Variants in SH3TC2 observed in about 807,000 individuals in gnomAD.
SH3TC2 encodes the protein SH3 domain and tetratricopeptide repeats 2, also known as SH3 domain and tetratricopeptide repeat-containing protein 2.
SH3TC2 carries 87 observed loss-of-function variants against 124.5 expected under a neutral mutation model. That is an observed-to-expected ratio of 0.70 (90% CI 0.59 to 0.84). The LOEUF (loss-of-function observed/expected upper bound fraction) is 0.84. Among genes scored for constraint, SH3TC2 ranks in the 40% least tolerant of loss-of-function variants. SH3TC2 has a pLI of 0.00. For missense variants in SH3TC2, 1,536 were observed against 1,566.4 expected, an observed-to-expected ratio of 0.98 and a Z score of 0.33; for synonymous variants, 634 against 628.5, an observed-to-expected ratio of 1.01 and a Z score of -0.13.
rs1561755547 is a variant in SH3TC2, at chr5:149,003,800, C to CT, written c.*910dup. On this transcript the variant is annotated 3_prime_UTR_variant, in exon 17 of 17. Transcript: ENST00000515425. Reference sequence around the variant, plus strand: ...CCGGAGTCTGAGGTCGCAGGAAGCCCTGACTGTACCACTGAACTCCAGCCT... The same window carrying CT: ...CCGGAGTCTGAGGTCGCAGGAAGCCCTTGACTGTACCACTGAACTCCAGCCT... 1 of 433,206 alleles carries CT rather than the reference C, an allele frequency of 2.3e-6. No individual in the cohort carries two copies. Among genetic ancestry groups the CT allele is most frequent in the South Asian group, 1.6e-5 (1 of 61,814 alleles). The allele number at this position is 433,206 out of a possible 1,614,324, so 26.8% of individuals were successfully genotyped here. A position where few individuals can be genotyped will look rare whatever the true frequency, so the allele number is the denominator to read the frequency against.
rs1754567864 is a variant in SH3TC2 at position 149,052,138 on chromosome 5, A to G, written c.151+4T>C. 1.9e-6 allele frequency: 3 copies of G among 1,595,970 alleles called. No individual in the cohort carries two copies. The East Asian group carries it at 6.7e-5, about 36-fold the overall frequency. On this transcript the variant is annotated splice_donor_region_variant and intron_variant, in intron 2 of 16. Transcript: ENST00000515425. The stretch of plus-strand genomic sequence containing the variant: ...AATAGGGCTTGTCTTTGGCATTTGG[A>G]TACCTGGATTAATGTTCTGTGGCAG...
chr5:149,056,064 T>A (rs1754642119), intron 1 of SH3TC2, among the ~76,000 whole-genome samples: 7 of 151,298 alleles, frequency 4.6e-5, no homozygotes, highest in Non-Finnish European at 1.0e-4. Flanking sequence ...AAATGGTAAA[T>A]TTTTTTTAAT....
rs773138258 is a variant in SH3TC2 at position 148,985,574 on chromosome 5, G to A, written c.*19137C>T. Among the ~76,000 whole-genome samples the A allele has an allele frequency of 6.6e-6, 1 of 152,170 alleles. No homozygotes were observed. Among genetic ancestry groups the A allele is most frequent in the African/African-American group, 2.4e-5 (1 of 41,434 alleles). ...TTTTATTACTGAGTAGTATTCCACT[G>A]TATGAATACACCATAGTTTGTTTAT... On this transcript the variant is annotated 3_prime_UTR_variant, in exon 17 of 17. Coordinates refer to ENST00000515425, the MANE Select transcript of SH3TC2 (RefSeq NM_024577.4).
In SH3TC2 at chr5:148,992,341, AG is replaced by A. The variant is rs1753431984; in HGVS notation, c.*12369del. On this transcript the variant is annotated 3_prime_UTR_variant, in exon 17 of 17. Coordinates refer to ENST00000515425, the MANE Select transcript of SH3TC2 (RefSeq NM_024577.4). ...ACTAAGAAACCAACAATGCATACAAAGGGTTCCAGATCCTGCTTTTCTGGAT... is the reference window on the plus strand; with the variant it reads ...ACTAAGAAACCAACAATGCATACAAAGGTTCCAGATCCTGCTTTTCTGGAT... Among the ~76,000 whole-genome samples, 3 of 152,216 alleles carry A rather than the reference AG, an allele frequency of 2.0e-5. No individual in the cohort carries two copies. In the South Asian group the frequency reaches 6.2e-4, roughly 32 times the overall value.
intron 1 of SH3TC2, chr5:149,062,276 GC>G: frequency 1.9e-6 from 1 of 518,514 alleles, no homozygotes. Context: ...AGAACACAGG[GC>G]CCTACCTTGA....
In SH3TC2 at chr5:148,999,820, T is replaced by C. The variant is rs1178650037; in HGVS notation, c.*4891A>G. Among the ~76,000 whole-genome samples, 6 of 152,196 alleles carry C rather than the reference T, an allele frequency of 3.9e-5. No individual in the cohort carries two copies. The highest frequency in any genetic ancestry group is 8.8e-5 in the Non-Finnish European group (6 of 68,036). ...TGACCATGTTTCTTTCAACTGCTTA[T>C]AATCCTTCTATACCTTCCCCTCAAC... On this transcript the variant is annotated 3_prime_UTR_variant, in exon 17 of 17. Transcript: ENST00000515425.
chr5:149,012,855 T>C lies in SH3TC2; in HGVS notation c.3054-121A>G, dbSNP rs940070790. 5 of 1,127,814 alleles carry C rather than the reference T, an allele frequency of 4.4e-6. No homozygotes were observed. The African/African-American group carries it at 4.6e-5, about 10-fold the overall frequency. 69.9% of individuals were successfully genotyped at this position (1,127,814 alleles called of 1,614,324 possible). A position where few individuals can be genotyped will look rare whatever the true frequency, so the allele number is the denominator to read the frequency against. ...CCATGTCCCACATCACACAGGGAGG[T>C]GGGCCTGATTGAATGCCAGCTCTAC... On this transcript the variant is annotated intron_variant, in intron 12 of 16. Coordinates refer to ENST00000515425, the MANE Select transcript of SH3TC2 (RefSeq NM_024577.4).
chr5:149,044,068 T>C (rs1304701218), intron 4 of SH3TC2: 1 of 184,896 alleles, frequency 5.4e-6, no homozygotes, highest in Non-Finnish European at 1.1e-5. Context: ...TAGGTTGCTA[T>C]AAGCAGATAA....
rs1327878406 is a variant in SH3TC2 at position 149,020,446 on chromosome 5, AG to A, written c.3053+6125del. ...AAAAAGATATAAGCTATTAATACAG[AG>A]AAAAAATAGCAAAATTGCAGACAAA... is the stretch of plus-strand genomic sequence containing the variant. On this transcript the variant is annotated intron_variant, in intron 12 of 16. Coordinates refer to ENST00000515425, the MANE Select transcript of SH3TC2 (RefSeq NM_024577.4). Among the ~76,000 whole-genome samples the A allele has an allele frequency of 1.2e-4, 18 of 152,218 alleles. 1 individual carries two copies. Among genetic ancestry groups the A allele is most frequent in the Admixed American group, 1.2e-3 (18 of 15,278 alleles).
chr5:149,041,373 G>C (rs1424548475), intron 6 of SH3TC2, 43 bp downstream of exon 6: 1 of 1,602,148 alleles, frequency 6.2e-7, no homozygotes, highest in Non-Finnish European at 8.5e-7. Flanking sequence ...GCAAACCTCA[G>C]TCTGCTCTGG....
intron 13 of SH3TC2, among the ~76,000 whole-genome samples, chr5:149,011,458 G>T (rs1335571759): frequency 6.6e-6 from 1 of 152,248 alleles, no homozygotes; most frequent in Non-Finnish European, 1.5e-5. Flanking sequence ...TCGCAAGGCA[G>T]ATGGCGTAGA....
chr5:149,041,617 C>T lies in SH3TC2; in HGVS notation c.530G>A (p.Gly177Asp), dbSNP rs1323385666. The T allele has an allele frequency of 1.1e-5, 18 of 1,613,972 alleles. No individual in the cohort carries two copies. The East Asian group carries it at 3.8e-4, about 34-fold the overall frequency. The change falls in exon 6 of 17, where the codon GGC (glycine) becomes GAC (aspartate). Residue 177 changes from glycine to aspartate, a missense_variant and splice_region_variant. Physicochemically the swap from Gly to Asp is moderately conservative, Grantham distance 94. Coordinates refer to ENST00000515425, the MANE Select transcript of SH3TC2 (RefSeq NM_024577.4). Reference protein sequence around the residue: ...TIYLGLLIQEGHFFCRALCSV... With the variant: ...TIYLGLLIQEDHFFCRALCSV... ...GCACAGGGCTCTGCAGAAGAAGTGG[C>T]CTGTGGATAATGAGAAAAGCAATGG...
intron 15 of SH3TC2, chr5:149,008,373 C>A: frequency 4.5e-6 from 1 of 220,202 alleles, no homozygotes. Flanking sequence ...GGGAACCTGA[C>A]CTTCATTTAC....
chr5:149,014,134 C>T (rs1029472945), intron 12 of SH3TC2, among the ~76,000 whole-genome samples: 4 of 152,158 alleles, frequency 2.6e-5, no homozygotes, highest in African/African-American at 9.7e-5. Context: ...GGACTTGTCC[C>T]ATAACACTCA....
At position 149,010,332 on chromosome 5, in the gene SH3TC2, C is replaced by T; in HGVS notation, c.3265G>A (p.Glu1089Lys). The change falls in exon 14 of 17, where the codon GAA becomes AAA. Residue 1089 changes from glutamate to lysine, a missense_variant. This residue lies in a region of SH3TC2 where 426 missense variants were observed against 443.5 expected (regional missense o/e 0.96). Transcript: ENST00000515425. The stretch of plus-strand genomic sequence containing the variant: ...CCATTGAAGAACACATCACCTGCTT[C>T]TTCATAAAGTTTGAGAGCCAGCAAA... ...EPLLALKLYE[E>K]AGDVFFNGTR... 6.2e-7 allele frequency: 1 copy of T among 1,614,160 alleles called. No individual in the cohort carries two copies. The highest frequency in any genetic ancestry group is 8.5e-7 in the Non-Finnish European group (1 of 1,180,034).
rs1753277389 is a variant in SH3TC2 at position 148,983,132 on chromosome 5, G to A, written c.*21579C>T. On this transcript the variant is annotated 3_prime_UTR_variant, in exon 17 of 17. Transcript: ENST00000515425. ...CTTCTGGGATCTAATCTGTGGCTAGGCTTTACTTAATTTGGCTTAAAGCAC... is the reference window on the plus strand; with the variant it reads ...CTTCTGGGATCTAATCTGTGGCTAGACTTTACTTAATTTGGCTTAAAGCAC... Among the ~76,000 whole-genome samples, 1 of 152,178 alleles carries A rather than the reference G, an allele frequency of 6.6e-6. No homozygotes were observed. Among genetic ancestry groups the A allele is most frequent in the South Asian group, 2.1e-4 (1 of 4,832 alleles).
Position 149,000,082 on chromosome 5 carries a change from C to A in SH3TC2, c.*4629G>T, listed in dbSNP as rs1329447326. 6.6e-6 allele frequency among the ~76,000 whole-genome samples: 1 copy of A among 152,188 alleles called. No individual in the cohort carries two copies. The highest frequency in any genetic ancestry group is 1.5e-5 in the Non-Finnish European group (1 of 68,030). ...AGAAAGCCCTTCCTGATGCCCGTAA[C>A]CCTGTCTGGGTAAAATCCCTTCCCC... On this transcript the variant is annotated 3_prime_UTR_variant, in exon 17 of 17. Coordinates refer to ENST00000515425, the MANE Select transcript of SH3TC2 (RefSeq NM_024577.4).
intron 8 of SH3TC2, among the ~76,000 whole-genome samples, chr5:149,035,032 A>C (rs1438166201): frequency 6.6e-6 from 1 of 152,224 alleles, no homozygotes. Flanking sequence ...AGCTACTAAA[A>C]TAGATACTCT....
chr5:149,033,715 A>G (rs1754236903), intron 8 of SH3TC2, among the ~76,000 whole-genome samples: 1 of 152,216 alleles, frequency 6.6e-6, no homozygotes, highest in South Asian at 2.1e-4. Flanking sequence ...CACACTTTTC[A>G]TCTATTTGAG....
Sources: allele counts gnomAD v4.1 joint callset (sites outside exome capture counted in the v4.1 genomes callset), GRCh38; gene constraint gnomAD v4.1.1; regional missense constraint gnomAD v4.1.1; transcripts MANE v1.5; gene names NCBI Gene and HGNC (gene_info 2026-07-23, HGNC 2026-07-21).